The following KIF23 variants were observed in gnomAD, a reference collection of about 807,000 sequenced individuals.
KIF23 encodes the protein kinesin-like protein KIF23.
Under a neutral mutation model 137.5 loss-of-function variants are expected in KIF23, and 30 were observed. The ratio of observed to expected loss-of-function variants is 0.22; its 90% CI spans 0.16 to 0.30. The LOEUF is 0.30. Among genes scored for constraint, KIF23 ranks in the 10% least tolerant of loss-of-function variants. The pLI is 1.00. For synonymous variants in KIF23, 367 were observed against 391.1 expected, an observed-to-expected ratio of 0.94 and a Z score of 0.73; for missense variants, 920 against 1,194.3, an observed-to-expected ratio of 0.77 and a Z score of 3.38.
intron 3 of KIF23, among the ~76,000 whole-genome samples, chr15:69,418,303 T>C (rs2056969783): frequency 6.6e-6 from 1 of 152,188 alleles, no homozygotes; most frequent in Non-Finnish European, 1.5e-5. Flanking sequence ...CAGCTCTCCT[T>C]GTATCTCCAG....
At chr15:69,428,106 A>G (rs1264177937) in intron 10 of KIF23, among the ~76,000 whole-genome samples, 2 of 152,084 alleles carry the variant, frequency 1.3e-5, no homozygotes, top group Non-Finnish European at 2.9e-5. Flanking sequence ...AAAATACAAA[A>G]ATTAGCAGGG....
chr15:69,436,760 A>AT (rs72161188), intron 15 of KIF23, 38 bp downstream of exon 15: 41,088 of 1,029,392 alleles, frequency 0.04, no homozygotes, highest in Non-Finnish European at 0.044. Flanking sequence ...TTATTTAATT[A>AT]TTTTTTTTTT....
chr15:69,438,294 A>G lies in KIF23; in HGVS notation c.1644A>G (p.Leu548=). ...ALLQEFDNAV[L]SKENHMQGKL... ...TACAAGAATTTGACAATGCTGTTTT[A>G]AGTAAAGAAAACCACATGCAAGGGA... Residue 548 remains leucine (L), a synonymous_variant, in exon 16 of 24, where the codon TTA becomes TTG. Transcript: ENST00000679126. 5 of 1,612,674 alleles carry G rather than the reference A, an allele frequency of 3.1e-6. No individual in the cohort carries two copies. The highest frequency in any genetic ancestry group is 4.2e-6 in the Non-Finnish European group (5 of 1,179,616).
At position 69,421,702 on chromosome 15, in the gene KIF23, T is replaced by G. The variant is rs775747735; in HGVS notation, c.266T>G (p.Phe89Cys). 7.1e-5 allele frequency: 115 copies of G among 1,613,830 alleles called. No homozygotes were observed. Among genetic ancestry groups the G allele is most frequent in the Non-Finnish European group, 9.6e-5 (113 of 1,179,844 alleles). The change falls in exon 4 of 24, where the codon TTT (phenylalanine) becomes TGT (cysteine). Residue 89 changes from phenylalanine to cysteine, a missense_variant. Coordinates refer to ENST00000679126, the MANE Select transcript of KIF23 (RefSeq NM_001367805.3). ...FGTHTTQKEL[F>C]DVVANPLVND... ...ACTCACACCACCCAGAAGGAACTCT[T>G]TGATGTTGTGGCTAATCCCTTGGTC...
chr15:69,430,279 A>G (rs185290340), intron 11 of KIF23, among the ~76,000 whole-genome samples: 1 of 152,206 alleles, frequency 6.6e-6, no homozygotes, highest in East Asian at 1.9e-4. Flanking sequence ...CTTTTTGGGT[A>G]TATGTTATAT....
rs1439066434 is a variant in KIF23 at position 69,441,050 on chromosome 15, A to C, written c.2392A>C (p.Ile798Leu). 6.2e-7 allele frequency: 1 copy of C among 1,613,728 alleles called. No individual in the cohort carries two copies. Among genetic ancestry groups the C allele is most frequent in the Non-Finnish European group, 8.5e-7 (1 of 1,179,716 alleles). The change falls in exon 19 of 24, where the codon ATA (isoleucine) becomes CTA (leucine). Residue 798 changes from isoleucine to leucine, a missense_variant. Transcript: ENST00000679126. ...REVVPTFRNE[I>L]EIEEDHCGRL... ...GGTGGTTCCTACATTCAGAAATGAG[A>C]TAGAAATAGAAGAGGATCATTGCGG...
chr15:69,422,478 G>A, intron 6 of KIF23, 43 bp downstream of exon 6: 2 of 1,131,462 alleles, frequency 1.8e-6, no homozygotes, highest in East Asian at 2.3e-5. Flanking sequence ...TAGGGGCACA[G>A]GATTCTTTCC....
At position 69,436,192 on chromosome 15, in the gene KIF23, G is replaced by A. The variant is rs768395126; in HGVS notation, c.1369G>A (p.Asp457Asn). 1 of 1,613,970 alleles carries A rather than the reference G, an allele frequency of 6.2e-7. No homozygotes were observed. Among genetic ancestry groups the A allele is most frequent in the East Asian group, 2.2e-5 (1 of 44,870 alleles). The change falls in exon 14 of 24, where the codon GAC becomes AAC. Residue 457 changes from aspartate (D) to asparagine (N), a missense_variant. Asp to Asn is a conservative substitution (Grantham distance 23). This residue lies in a region of KIF23 where 714 missense variants were observed against 866.2 expected (regional missense o/e 0.82). Coordinates refer to ENST00000679126, the MANE Select transcript of KIF23 (RefSeq NM_001367805.3). The part of the protein sequence containing the change: ...TQEVEVARPV[D>N]KAICGLTPGR... ...AGAAGTTGAAGTAGCAAGACCTGTA[G>A]ACAAGGCAATATGTGGTTTAACGCC... is the stretch of plus-strand genomic sequence containing the variant.
At chr15:69,441,346 G>A (rs974078791) in intron 19 of KIF23, among the ~76,000 whole-genome samples, 8 of 152,156 alleles carry the variant, frequency 5.3e-5, no homozygotes, top group African/African-American at 1.9e-4. Flanking sequence ...CTTTTCAGCT[G>A]CATACGCTAA....
At chr15:69,443,326 GTTTTTTTTT>G (rs10538305) in intron 19 of KIF23, among the ~76,000 whole-genome samples, 2 of 58,586 alleles carry the variant, frequency 3.4e-5, no homozygotes, top group African/African-American at 1.3e-4. Context: ...TGTTTTTTGG[GTTTTTTTTT>G]TTTTTTTTTT....
chr15:69,440,768 C>A lies in KIF23; in HGVS notation c.2110C>A (p.Leu704Ile). 6.3e-7 allele frequency: 1 copy of A among 1,582,544 alleles called. No homozygotes were observed. The highest frequency in any genetic ancestry group is 8.6e-7 in the Non-Finnish European group (1 of 1,168,166). The stretch of plus-strand genomic sequence containing the variant: ...ATTAATTTTTCTCCAATTTTTCTAG[C>A]TTTCTAGTAACTATATTGCTCAGAT... ...QRSVSPSPVP[L>I]SSNYIAQISN... is the part of the protein sequence containing the mutation. The change falls in exon 19 of 24, where the codon CTT (leucine) becomes ATT (isoleucine). Residue 704 changes from leucine to isoleucine, a missense_variant and splice_region_variant. This residue lies in a region of KIF23 where 714 missense variants were observed against 866.2 expected (regional missense o/e 0.82). Transcript: ENST00000679126.
At chr15:69,427,322 CTGTA>C (rs1437496981) in intron 10 of KIF23, 1 of 449,974 alleles carries the variant, frequency 2.2e-6, no homozygotes, top group South Asian at 1.6e-5. Context: ...AGGGATGACT[CTGTA>C]TGTAGGCGAT....
rs764580766 is a variant in KIF23, at chr15:69,414,438, G to T, written c.-28G>T. The stretch of plus-strand genomic sequence containing the variant: ...TTCGCCAGCCAGCCGTCCCGCATGC[G>T]CGTTTGGGCGGCGTGGAGCCTGCTG... On this transcript the variant is annotated 5_prime_UTR_variant, in exon 1 of 24. Transcript: ENST00000679126. 1 of 1,582,064 alleles carries T rather than the reference G, an allele frequency of 6.3e-7. No homozygotes were observed. The highest frequency in any genetic ancestry group is 1.2e-5 in the South Asian group (1 of 86,250).
intron 11 of KIF23, among the ~76,000 whole-genome samples, chr15:69,432,198 T>C (rs1402409746): frequency 8.6e-6 from 1 of 116,154 alleles, no homozygotes; most frequent in Non-Finnish European, 1.8e-5. Flanking sequence ...CTGTTAGTGT[T>C]AATATAGAGT....
intron 10 of KIF23, 78 bp from the exon 11 acceptor site, chr15:69,429,033 G>A: frequency 2.1e-6 from 2 of 930,584 alleles, no homozygotes; most frequent in Non-Finnish European, 3.3e-6. Flanking sequence ...GACTTAGCTT[G>A]TTGATATGAA....
intron 2 of KIF23, among the ~76,000 whole-genome samples, chr15:69,416,626 T>C (rs904659687): frequency 1.3e-5 from 2 of 152,188 alleles, no homozygotes; most frequent in African/African-American, 4.8e-5. Context: ...CACAGCTGAA[T>C]GAGTTTTCCT....
chr15:69,427,474 A>G (rs939134824), intron 10 of KIF23: 3 of 453,670 alleles, frequency 6.6e-6, no homozygotes, highest in Middle Eastern at 3.2e-4. Context: ...TAAGACTGTG[A>G]TTTTTTCTCT....
chr15:69,441,357 T>C (rs2057616429), intron 19 of KIF23, among the ~76,000 whole-genome samples: 1 of 152,216 alleles, frequency 6.6e-6, no homozygotes, highest in Non-Finnish European at 1.5e-5. Flanking sequence ...CATACGCTAA[T>C]AAGCTTTGCA....
At chr15:69,443,326 G>GTTTT (rs10538305) in intron 19 of KIF23, among the ~76,000 whole-genome samples, 9 of 58,598 alleles carry the variant, frequency 1.5e-4, no homozygotes, top group East Asian at 1.0e-3. Flanking sequence ...TGTTTTTTGG[G>GTTTT]TTTTTTTTTT....
Sources: gnomAD v4.1 joint callset for allele counts (sites outside exome capture counted in the v4.1 genomes callset) on GRCh38, gnomAD v4.1.1 for gene constraint, gnomAD v4.1.1 regional missense constraint, MANE v1.5 for transcripts, NCBI Gene and HGNC (gene_info 2026-07-23, HGNC 2026-07-21) for gene names.